The following KDF1 variants were observed in gnomAD, a reference collection of about 807,000 sequenced individuals.
KDF1 encodes the protein RP11-344H11.3.
A neutral mutation model predicts 31.6 loss-of-function variants in KDF1; 11 were observed. The observed-to-expected ratio is 0.35, with a 90% CI of 0.22 to 0.58. KDF1 has a LOEUF of 0.58. Among genes scored for constraint, KDF1 ranks in the 20% least tolerant of loss-of-function variants. The pLI is 0.83. For missense variants in KDF1, 476 were observed against 549.1 expected, an observed-to-expected ratio of 0.87 and a Z score of 1.33; for synonymous variants, 205 against 214.4, an observed-to-expected ratio of 0.96 and a Z score of 0.38.
At chr1:26,953,471 A>C (rs1227703288) in intron 1 of KDF1, among the ~76,000 whole-genome samples, 2 of 152,226 alleles carry the variant, frequency 1.3e-5, no homozygotes, top group Non-Finnish European at 2.9e-5. Context: ...TGTTCACAGC[A>C]GCATTATTCA....
At chr1:26,958,834 G>A (rs2082388585) in intron 1 of KDF1, among the ~76,000 whole-genome samples, 1 of 152,296 alleles carries the variant, frequency 6.6e-6, no homozygotes, top group Non-Finnish European at 1.5e-5. Flanking sequence ...CAGATCTACA[G>A]TTAACCATGC....
Position 26,952,687 on chromosome 1 carries a change from A to G in KDF1, c.-32-275T>C, listed in dbSNP as rs978570816. Among the ~76,000 whole-genome samples, 2 of 152,186 alleles carry G rather than the reference A, an allele frequency of 1.3e-5. No homozygotes were observed. The highest frequency in any genetic ancestry group is 2.9e-5 in the Non-Finnish European group (2 of 68,032). On this transcript the variant is annotated intron_variant, in intron 1 of 3. Transcript: ENST00000320567. This position sits in a 1 kb window ranked among gnomAD's most constrained non-coding sequence, Gnocchi z 4.1. ...TTAGACCTATTGGGATGGCTATGAA[A>G]GGTTGAACATTGGCCGGGCGTGGTG...
At position 26,951,737 on chromosome 1, in the gene KDF1, T is replaced by A; in HGVS notation, c.644A>T (p.Glu215Val). The A allele has an allele frequency of 6.2e-7, 1 of 1,613,962 alleles. No individual in the cohort carries two copies. The highest frequency in any genetic ancestry group is 8.5e-7 in the Non-Finnish European group (1 of 1,180,012). ...GTCCGACTCATGGAAAGAATAGTAC[T>A]CCTCGGAGCCACGAGGACTACTGGC... ...TFASSPRGSE[E>V]YYSFHESDLD... The change falls in exon 2 of 4, where the codon GAG (glutamate) becomes GTG (valine). Residue 215 changes from glutamate to valine, a missense_variant. By Grantham distance (121) the Glu-to-Val change is moderately radical (BLOSUM62 -2). Around this residue, in one of 2 missense-constraint regions of KDF1, gnomAD observed 330 missense variants for 332.3 expected, o/e 0.99. Transcript: ENST00000320567. This position sits in a 1 kb window ranked among gnomAD's most constrained non-coding sequence, Gnocchi z 5.4.
rs930190135 is a variant in KDF1, at chr1:26,949,995, G to A, written c.*74C>T. ...TCAGGTCTAAGCCTCTCCCACAGGG[G>A]TTCCTGGTCCCCCTCTTCATTCTGT... On this transcript the variant is annotated 3_prime_UTR_variant, in exon 4 of 4. Coordinates refer to ENST00000320567, the MANE Select transcript of KDF1 (RefSeq NM_152365.3). The A allele has an allele frequency of 6.7e-7, 1 of 1,485,422 alleles. No individual in the cohort carries two copies. The highest frequency in any genetic ancestry group is 1.4e-5 in the African/African-American group (1 of 72,190). 92.0% of individuals were successfully genotyped at this position (1,485,422 alleles called of 1,614,324 possible).
At chr1:26,958,071 C>T (rs1340117063) in intron 1 of KDF1, among the ~76,000 whole-genome samples, 3 of 151,910 alleles carry the variant, frequency 2.0e-5, no homozygotes, top group Non-Finnish European at 4.4e-5. Context: ...CTGCCTCAGC[C>T]TCCCAAAGTG....
rs369939772 is a variant in KDF1 at position 26,955,825 on chromosome 1, CGT to C, written c.-32-3415_-32-3414del. On this transcript the variant is annotated intron_variant, in intron 1 of 3. Transcript: ENST00000320567. Reference sequence around the variant, plus strand: ...CAAAAATTAGCTGGGCGTGGTGGAGCGTGCCTGTAATCCCAGCTATGCAGGAG... The same window carrying C: ...CAAAAATTAGCTGGGCGTGGTGGAGCGCCTGTAATCCCAGCTATGCAGGAG... Among the ~76,000 whole-genome samples the C allele has an allele frequency of 1.2e-4, 18 of 152,156 alleles. No individual in the cohort carries two copies. The East Asian group carries it at 3.5e-3, about 29-fold the overall frequency.
At position 26,950,770 on chromosome 1, in the gene KDF1, G is replaced by A. The variant is rs778262101; in HGVS notation, c.1040-14C>T. 6.8e-6 allele frequency: 11 copies of A among 1,612,770 alleles called. No homozygotes were observed. The highest frequency in any genetic ancestry group is 2.2e-5 in the East Asian group (1 of 44,862). On this transcript the variant is annotated splice_polypyrimidine_tract_variant and intron_variant, in intron 2 of 3. Transcript: ENST00000320567. The surrounding 1 kb of genome is among the most constrained non-coding windows in gnomAD (Gnocchi z 4.0). ...GCACTGTCAGCTCTAGGGAGGGAAC[G>A]TGAGGCAAGCAGTGGTCATTAGCAC... is the stretch of plus-strand genomic sequence containing the variant.
chr1:26,950,038 G>A lies in KDF1; in HGVS notation c.*31C>T, dbSNP rs1466983162. The A allele has an allele frequency of 6.3e-7, 1 of 1,591,570 alleles. No individual in the cohort carries two copies. The highest frequency in any genetic ancestry group is 8.6e-7 in the Non-Finnish European group (1 of 1,159,968). On this transcript the variant is annotated 3_prime_UTR_variant, in exon 4 of 4. Transcript: ENST00000320567. This position sits in a 1 kb window ranked among gnomAD's most constrained non-coding sequence, Gnocchi z 4.0. The stretch of plus-strand genomic sequence containing the variant: ...CATTCTGTAGGCCATGCTTCTCCCA[G>A]AAAGGGTGTGGCAGCTGGGCCTGGC...
intron 1 of KDF1, among the ~76,000 whole-genome samples, chr1:26,959,862 A>G (rs1438456141): frequency 2.0e-5 from 3 of 152,090 alleles, no homozygotes; most frequent in Non-Finnish European, 4.4e-5. Flanking sequence ...TCCTGCCCCA[A>G]AGGTGCAGCC....
rs1247613771 is a variant in KDF1 at position 26,952,283 on chromosome 1, G to A, written c.98C>T (p.Pro33Leu). ...GCGGCGGCTTGGTGGGGGCTGAGGTGGTTTATCATATGTCTCCAGACATAG... is the reference window on the plus strand; with the variant it reads ...GCGGCGGCTTGGTGGGGGCTGAGGTAGTTTATCATATGTCTCCAGACATAG... ...TELCLETYDK[P>L]PQPPPSRRTR... The change falls in exon 2 of 4, where the codon CCA (proline) becomes CTA (leucine). Residue 33 changes from proline (P) to leucine (L), a missense_variant. Pro to Leu is a moderately conservative substitution (Grantham distance 98). Transcript: ENST00000320567. The surrounding 1 kb of genome is among the most constrained non-coding windows in gnomAD (Gnocchi z 4.1). 6.4e-7 allele frequency: 1 copy of A among 1,562,334 alleles called. No individual in the cohort carries two copies. Among genetic ancestry groups the A allele is most frequent in the Non-Finnish European group, 8.7e-7 (1 of 1,153,668 alleles).
rs2082346586 is a variant in KDF1, at chr1:26,951,232, CA to C, written c.1039+109del. 1 of 1,139,460 alleles carries C rather than the reference CA, an allele frequency of 8.8e-7. No individual in the cohort carries two copies. Among genetic ancestry groups the C allele is most frequent in the African/African-American group, 1.6e-5 (1 of 63,740 alleles). The allele number at this position is 1,139,460 out of a possible 1,614,324, so 70.6% of individuals were successfully genotyped here. ...AGTTGACAGAAAGGAGGAGGAAAGGCAGGGACTGGCTGAGGGGTAGACCCAC... is the reference window on the plus strand; with the variant it reads ...AGTTGACAGAAAGGAGGAGGAAAGGCGGGACTGGCTGAGGGGTAGACCCAC... On this transcript the variant is annotated intron_variant, in intron 2 of 3. Coordinates refer to ENST00000320567, the MANE Select transcript of KDF1 (RefSeq NM_152365.3). The surrounding 1 kb of genome is among the most constrained non-coding windows in gnomAD (Gnocchi z 5.4).
At chr1:26,958,430 G>A (rs1385362195) in intron 1 of KDF1, among the ~76,000 whole-genome samples, 1 of 152,106 alleles carries the variant, frequency 6.6e-6, no homozygotes, top group African/African-American at 2.4e-5. Context: ...ACCGCGCCCG[G>A]CCTAGCTGTT....
intron 1 of KDF1, among the ~76,000 whole-genome samples, chr1:26,957,278 T>A (rs2082380987): frequency 6.6e-6 from 1 of 152,090 alleles, no homozygotes; most frequent in Admixed American, 6.6e-5. Context: ...TTTAACCTAC[T>A]CTCCTGGCCT....
chr1:26,951,922 T>C lies in KDF1; in HGVS notation c.459A>G (p.Ser153=). ...GGTAGCTGAAGCTGCTGCCCATGGT[T>C]GACTTGAGCCGCTGGCCATCCCGCC... ...PSRRDGQRLK[S]TMGSSFSYPD... The change falls in exon 2 of 4, where the codon TCA becomes TCG. Residue 153 remains serine (S), a synonymous_variant. Transcript: ENST00000320567. This position sits in a 1 kb window ranked among gnomAD's most constrained non-coding sequence, Gnocchi z 5.4. The C allele has an allele frequency of 1.2e-6, 2 of 1,605,602 alleles. No homozygotes were observed. The highest frequency in any genetic ancestry group is 1.1e-5 in the South Asian group (1 of 90,366).
rs1303076511 is a variant in KDF1, at chr1:26,960,363, T to G, written c.-46A>C. 4 of 152,112 alleles carry G rather than the reference T, an allele frequency of 2.6e-5. No homozygotes were observed. Among genetic ancestry groups the G allele is most frequent in the Non-Finnish European group, 5.9e-5 (4 of 68,002 alleles). 9.4% of individuals were successfully genotyped at this position (152,112 alleles called of 1,614,324 possible). A position where few individuals can be genotyped will look rare whatever the true frequency, so the allele number is the denominator to read the frequency against. On this transcript the variant is annotated 5_prime_UTR_variant, in exon 1 of 4. Transcript: ENST00000320567. The surrounding 1 kb of genome is among the most constrained non-coding windows in gnomAD (Gnocchi z 4.9). ...CGCCGGGCTTACCTGTCCCGCCAGG[T>G]GAGCCGCCTCCGGCTCAGCCCCTCC... is the stretch of plus-strand genomic sequence containing the variant.
At chr1:26,958,130 CTTTTTTTTTT>C (rs537884216) in intron 1 of KDF1, among the ~76,000 whole-genome samples, 1 of 119,738 alleles carries the variant, frequency 8.4e-6, no homozygotes. Context: ...GTTCTAAATT[CTTTTTTTTTT>C]TTTTTTTTTT....
Position 26,952,018 on chromosome 1 carries a change from C to G in KDF1, c.363G>C (p.Gly121=). Residue 121 remains glycine (G), a synonymous_variant, in exon 2 of 4, where the codon GGG becomes GGC. Coordinates refer to ENST00000320567, the MANE Select transcript of KDF1 (RefSeq NM_152365.3). This position sits in a 1 kb window ranked among gnomAD's most constrained non-coding sequence, Gnocchi z 4.1. ...CCTTGGCCCAGTTGGCTTCAGCAGT[C>G]CCCTCAGTGGAGTCCTCAGTAGACA... The part of the protein sequence containing the change: ...PCLSTEDSTE[G]TAEANWAKEH... 6.2e-7 allele frequency: 1 copy of G among 1,613,168 alleles called. No homozygotes were observed. Among genetic ancestry groups the G allele is most frequent in the Non-Finnish European group, 8.5e-7 (1 of 1,179,624 alleles).
chr1:26,950,649 C>A lies in KDF1; in HGVS notation c.1114+33G>T. 1 of 1,585,818 alleles carries A rather than the reference C, an allele frequency of 6.3e-7. No homozygotes were observed. Among genetic ancestry groups the A allele is most frequent in the Non-Finnish European group, 8.7e-7 (1 of 1,154,870 alleles). On this transcript the variant is annotated intron_variant, in intron 3 of 3. Coordinates refer to ENST00000320567, the MANE Select transcript of KDF1 (RefSeq NM_152365.3). The surrounding 1 kb of genome is among the most constrained non-coding windows in gnomAD (Gnocchi z 4.0). ...GAGGGGCCCCTAGGGTAGTCCCCCA[C>A]CCTCCACACCCCTCATTAGGTCAAG... is the stretch of plus-strand genomic sequence containing the variant.
At chr1:26,958,425 G>A (rs1401034588) in intron 1 of KDF1, among the ~76,000 whole-genome samples, 2 of 152,080 alleles carry the variant, frequency 1.3e-5, no homozygotes, top group African/African-American at 4.8e-5. Flanking sequence ...GAGCCACCGC[G>A]CCCGGCCTAG....
Sources: allele counts gnomAD v4.1 joint callset (sites outside exome capture counted in the v4.1 genomes callset), GRCh38; gene constraint gnomAD v4.1.1; regional missense constraint gnomAD v4.1.1; non-coding constraint Gnocchi (gnomAD v3.1); transcripts MANE v1.5; gene names NCBI Gene and HGNC (gene_info 2026-07-23, HGNC 2026-07-21).